Variants in TMEM132D observed in about 807,000 individuals in gnomAD.
TMEM132D encodes the protein transmembrane protein 132D, also known as mature OL transmembrane protein.
A neutral mutation model predicts 62.3 loss-of-function variants in TMEM132D; 21 were observed. The observed-to-expected ratio is 0.34, with a 90% CI of 0.24 to 0.49. The LOEUF (loss-of-function observed/expected upper bound fraction) is 0.49, where lower values mean the gene tolerates loss of function less well. Among genes scored for constraint, TMEM132D ranks in the 20% least tolerant of loss-of-function variants. TMEM132D has a pLI of 0.99. For missense variants in TMEM132D, 1,346 were observed against 1,402.8 expected (o/e 0.96, Z 0.65); for synonymous variants, 621 against 575.6 (o/e 1.08, Z -1.13).
At chr12:129,712,728 TG>T (rs1868417839) in intron 1 of TMEM132D, among the ~76,000 whole-genome samples, 1 of 152,168 alleles carries the variant, frequency 6.6e-6, no homozygotes, top group African/African-American at 2.4e-5. Flanking sequence ...CAATGGGATG[TG>T]GGCAGCATGG....
At chr12:129,519,886 G>A (rs1875800427) in intron 3 of TMEM132D, among the ~76,000 whole-genome samples, 1 of 152,200 alleles carries the variant, frequency 6.6e-6, no homozygotes, top group East Asian at 1.9e-4. Context: ...TGGGATTACA[G>A]GTGTGAGCCA....
At chr12:129,199,150 T>C (rs1016805434) in intron 5 of TMEM132D, among the ~76,000 whole-genome samples, 3 of 134,794 alleles carry the variant, frequency 2.2e-5, no homozygotes, top group Non-Finnish European at 4.6e-5. Flanking sequence ...CGCTCTGTCA[T>C]CCAGGATGGA....
chr12:129,200,816 T>C (rs1424494045), intron 5 of TMEM132D, among the ~76,000 whole-genome samples: 1 of 152,166 alleles, frequency 6.6e-6, no homozygotes, highest in Admixed American at 6.5e-5. Flanking sequence ...ATGCTGAAAA[T>C]AGCTGCAGAA....
chr12:129,262,207 G>A (rs1880567172), intron 4 of TMEM132D: 1 of 152,150 alleles, frequency 6.6e-6, no homozygotes, highest in Admixed American at 6.5e-5. Flanking sequence ...TAATACCCTT[G>A]ATCAAGGCAA....
Position 129,773,678 on chromosome 12 carries a change from T to C in TMEM132D, c.80-72980A>G, listed in dbSNP as rs75128973. On this transcript the variant is annotated intron_variant, in intron 1 of 8. Transcript: ENST00000422113. The stretch of plus-strand genomic sequence containing the variant: ...CAGGATTAACTAGACCAAGGCAGCA[T>C]AGGAGCACCCTAAATGTCTATGAAT... Among the ~76,000 whole-genome samples, 1,273 of 152,248 alleles carry C rather than the reference T, an allele frequency of 8.4e-3. 18 individuals carry two copies. Among genetic ancestry groups the C allele is most frequent in the African/African-American group, 0.029 (1,212 of 41,542 alleles).
chr12:129,304,896 T>C (rs932220919), intron 4 of TMEM132D, among the ~76,000 whole-genome samples: 1 of 152,100 alleles, frequency 6.6e-6, no homozygotes, highest in Admixed American at 6.5e-5. Context: ...ACTCTTGCCC[T>C]CAAGTGATCT....
chr12:129,215,032 C>T (rs976915308), intron 4 of TMEM132D, among the ~76,000 whole-genome samples: 1 of 152,136 alleles, frequency 6.6e-6, no homozygotes, highest in Non-Finnish European at 1.5e-5. Context: ...CAGCAGTATT[C>T]ACAATAGCAA....
intron 2 of TMEM132D, among the ~76,000 whole-genome samples, chr12:129,630,524 G>A (rs1879324204): frequency 6.6e-6 from 1 of 152,130 alleles, no homozygotes; most frequent in Non-Finnish European, 1.5e-5. Flanking sequence ...TTCTAAGAAG[G>A]AGAATAATTC....
At chr12:129,531,893 TA>T (rs781490148) in intron 2 of TMEM132D, among the ~76,000 whole-genome samples, 125 of 152,194 alleles carry the variant, frequency 8.2e-4, no homozygotes, top group Non-Finnish European at 1.3e-3. Flanking sequence ...CCATCTCAAC[TA>T]AAAATACAAA....
intron 1 of TMEM132D, among the ~76,000 whole-genome samples, chr12:129,812,918 T>A (rs184782869): frequency 6.6e-6 from 1 of 151,790 alleles, no homozygotes; most frequent in African/African-American, 2.4e-5. Flanking sequence ...AACCCCAGAT[T>A]TGTAAATTCA....
intron 3 of TMEM132D, among the ~76,000 whole-genome samples, chr12:129,457,275 T>C (rs1873502870): frequency 6.6e-6 from 1 of 150,968 alleles, no homozygotes. Context: ...AAATGATGAG[T>C]TTATGTCCTT....
intron 1 of TMEM132D, among the ~76,000 whole-genome samples, chr12:129,702,568 C>A (rs560196021): frequency 6.6e-6 from 1 of 152,168 alleles, no homozygotes. Flanking sequence ...AGTCACCTTG[C>A]TGGGATCCTT....
rs372313580 is a variant in TMEM132D at position 129,099,926 on chromosome 12, C to T, written c.1444-15224G>A. 9.6e-4 allele frequency among the ~76,000 whole-genome samples: 116 copies of T among 120,942 alleles called. 4 individuals are homozygous for T. Among genetic ancestry groups the T allele is most frequent in the East Asian group, 1.0e-3 (5 of 5,012 alleles). The allele number at this position is 120,942 out of a possible 152,430, so 79.3% of individuals were successfully genotyped here. On this transcript the variant is annotated intron_variant, in intron 5 of 8. Coordinates refer to ENST00000422113, the MANE Select transcript of TMEM132D (RefSeq NM_133448.3). ...CTGCAAGCTCCGCCTCCCGGGTTCA[C>T]GCCATTCTCCTGCCTCAGCCTCCCA...
chr12:129,891,118 T>C (rs1185799759), intron 1 of TMEM132D, among the ~76,000 whole-genome samples: 2 of 152,134 alleles, frequency 1.3e-5, no homozygotes, highest in African/African-American at 4.8e-5. Context: ...TGCCATTCCA[T>C]CTTTAAATGC....
chr12:129,721,567 CAGCCCGTCCTCACCA>C (rs1460338688), intron 1 of TMEM132D, among the ~76,000 whole-genome samples: 1 of 152,092 alleles, frequency 6.6e-6, no homozygotes, highest in Non-Finnish European at 1.5e-5. Context: ...TCTAGGTGAG[CAGCCCGTCCTCACCA>C]AGCCCGTCCT....
chr12:129,815,264 A>C (rs1482078956), intron 1 of TMEM132D, among the ~76,000 whole-genome samples: 1 of 152,238 alleles, frequency 6.6e-6, no homozygotes, highest in South Asian at 2.1e-4. Context: ...AAATCCACAG[A>C]AAAAAATCCA....
At chr12:129,680,979 C>A (rs1463705076) in intron 2 of TMEM132D, among the ~76,000 whole-genome samples, 4 of 152,162 alleles carry the variant, frequency 2.6e-5, no homozygotes, top group Non-Finnish European at 5.9e-5. Flanking sequence ...TGACTCCACC[C>A]CTTTTCCAAC....
rs187546138 is a variant in TMEM132D, at chr12:129,411,251, G to A, written c.1116-73434C>T. Among the ~76,000 whole-genome samples, 353 of 152,152 alleles carry A rather than the reference G, an allele frequency of 2.3e-3. 2 individuals carry two copies. The highest frequency in any genetic ancestry group is 8.8e-4 in the Non-Finnish European group (60 of 68,002). On this transcript the variant is annotated intron_variant, in intron 3 of 8. Transcript: ENST00000422113. ...TTTTAATTATCTGATTGATGAATTC[G>A]TTATCACCAACACAGTGTTAAATGA...
chr12:129,695,015 T>TA lies in TMEM132D; in HGVS notation c.968+4794dup, dbSNP rs202038607. On this transcript the variant is annotated intron_variant, in intron 2 of 8. Transcript: ENST00000422113. ...AGAGTGAGACTCCGTCTCAAAAAAA[T>TA]AAAAAATAAATAAATAAATAATGTG... Among the ~76,000 whole-genome samples the TA allele has an allele frequency of 3.0e-3, 449 of 152,020 alleles. 4 individuals carry two copies. The highest frequency in any genetic ancestry group is 0.011 in the African/African-American group (437 of 41,466).
Sources: allele counts gnomAD v4.1 joint callset (sites outside exome capture counted in the v4.1 genomes callset), GRCh38; gene constraint gnomAD v4.1.1; transcripts MANE v1.5; gene names NCBI Gene and HGNC (gene_info 2026-07-23, HGNC 2026-07-21).